NEGR1: variants seen among roughly 807,000 people sequenced by gnomAD.
NEGR1 encodes the protein IgLON family member 4.
A neutral mutation model predicts 40.9 loss-of-function variants in NEGR1; 10 were observed. The observed-to-expected ratio is 0.24, with a 90% confidence interval of 0.15 to 0.42. The LOEUF is 0.42. NEGR1 is among the 10% of genes least tolerant of loss of function. NEGR1 has a pLI of 1.00. For synonymous variants in NEGR1, 185 were observed against 166.8 expected, an observed-to-expected ratio of 1.11 and a Z score of -0.84; for missense variants, 352 against 438.9, an observed-to-expected ratio of 0.80 and a Z score of 1.77.
intron 1 of NEGR1, among the ~76,000 whole-genome samples, chr1:72,225,460 ATTAT>A (rs1654162030): frequency 6.6e-6 from 1 of 151,726 alleles, no homozygotes; most frequent in Non-Finnish European, 1.5e-5. Flanking sequence ...TTACATAAAA[ATTAT>A]TTTTCAATGT....
chr1:71,717,824 T>TA lies in NEGR1; in HGVS notation c.536-19686dup, dbSNP rs575452611. 3.9e-5 allele frequency among the ~76,000 whole-genome samples: 6 copies of TA among 152,036 alleles called. No homozygotes were observed. The South Asian group carries it at 1.2e-3, about 32-fold the overall frequency. ...TAATCCAGTATCACTGGTATCCTTA[T>TA]AAAAAAAGGAAAACTGAACACAGGC... On this transcript the variant is annotated intron_variant, in intron 3 of 6. Coordinates refer to ENST00000357731, the MANE Select transcript of NEGR1 (RefSeq NM_173808.3).
intron 1 of NEGR1, among the ~76,000 whole-genome samples, chr1:72,231,983 C>T (rs1287008755): frequency 6.6e-6 from 1 of 152,064 alleles, no homozygotes; most frequent in Non-Finnish European, 1.5e-5. Context: ...GCATTTAGCT[C>T]ATATGGGGAC....
intron 1 of NEGR1, among the ~76,000 whole-genome samples, chr1:72,071,475 C>T (rs1480567922): frequency 1.3e-5 from 2 of 151,878 alleles, no homozygotes; most frequent in Non-Finnish European, 2.9e-5. Context: ...TTTTAGATGT[C>T]AATAATCTAG....
intron 1 of NEGR1, among the ~76,000 whole-genome samples, chr1:72,276,187 G>C (rs529343616): frequency 6.6e-6 from 1 of 152,184 alleles, no homozygotes; most frequent in African/African-American, 2.4e-5. Flanking sequence ...GTAGAAAAAT[G>C]ATCTGATTTT....
intron 6 of NEGR1, among the ~76,000 whole-genome samples, chr1:71,414,704 C>T (rs1470422820): frequency 2.0e-5 from 3 of 152,158 alleles, no homozygotes; most frequent in African/African-American, 7.2e-5. Flanking sequence ...TGCTCCTGTA[C>T]TGTAGACCCT....
chr1:72,080,736 C>T (rs1188460945), intron 1 of NEGR1, among the ~76,000 whole-genome samples: 2 of 152,016 alleles, frequency 1.3e-5, no homozygotes, highest in Admixed American at 6.6e-5. Context: ...GAGAAACCAC[C>T]TCATAGGGTT....
intron 3 of NEGR1, among the ~76,000 whole-genome samples, chr1:71,739,199 G>GAAAAAAAA (rs776411417): frequency 1.6e-5 from 1 of 63,650 alleles, no homozygotes; most frequent in African/African-American, 5.5e-5. Flanking sequence ...AAGGCAGGCA[G>GAAAAAAAA]AAAAAAAAAA....
chr1:72,144,155 A>C (rs1187367188), intron 1 of NEGR1, among the ~76,000 whole-genome samples: 1 of 151,208 alleles, frequency 6.6e-6, no homozygotes, highest in African/African-American at 2.4e-5. Context: ...TTTGAGTAGA[A>C]TGTTCCAGAA....
At position 71,399,293 on chromosome 1, in the gene NEGR1, T is replaced by C. The variant is rs1000379118; in HGVS notation, c.*8153A>G. On this transcript the variant is annotated 3_prime_UTR_variant, in exon 7 of 7. Transcript: ENST00000357731. Reference sequence around the variant, plus strand: ...TTCAAATGTAAAAAAAAAAACCCAGTCTTTCTCCTTGTCAACATTTAAAGT... The same window carrying C: ...TTCAAATGTAAAAAAAAAAACCCAGCCTTTCTCCTTGTCAACATTTAAAGT... 6.6e-6 allele frequency: 1 copy of C among 151,944 alleles called. No individual in the cohort carries two copies. The highest frequency in any genetic ancestry group is 1.5e-5 in the Non-Finnish European group (1 of 67,992). The allele number at this position is 151,944 out of a possible 1,614,324, so 9.4% of individuals were successfully genotyped here. A position where few individuals can be genotyped will look rare whatever the true frequency, so the allele number is the denominator to read the frequency against.
chr1:71,670,562 A>G (rs771858297), intron 4 of NEGR1, among the ~76,000 whole-genome samples: 11 of 149,694 alleles, frequency 7.3e-5, no homozygotes, highest in Non-Finnish European at 1.6e-4. Flanking sequence ...ACAGTTTTTT[A>G]CTTTTTTTTT....
At chr1:72,027,504 T>C (rs1646822134) in intron 1 of NEGR1, among the ~76,000 whole-genome samples, 1 of 150,520 alleles carries the variant, frequency 6.6e-6, no homozygotes, top group Non-Finnish European at 1.5e-5. Context: ...CAAATAAGAG[T>C]GTTTCTGGTT....
chr1:71,684,402 T>A (rs957227517), intron 4 of NEGR1, among the ~76,000 whole-genome samples: 11 of 152,208 alleles, frequency 7.2e-5, no homozygotes, highest in Non-Finnish European at 1.3e-4. Context: ...TTTGTACATT[T>A]GTATATATTT....
chr1:71,811,928 G>A (rs1470074833), intron 2 of NEGR1, among the ~76,000 whole-genome samples: 1 of 143,730 alleles, frequency 7.0e-6, no homozygotes, highest in African/African-American at 2.9e-5. Context: ...GGATACAGGT[G>A]CATGGCATGC....
intron 2 of NEGR1, among the ~76,000 whole-genome samples, chr1:71,884,449 A>G (rs1660669284): frequency 6.6e-6 from 1 of 152,192 alleles, no homozygotes; most frequent in Non-Finnish European, 1.5e-5. Context: ...TTGGTTTACA[A>G]AGCTTCTCAA....
At chr1:72,083,771 G>A (rs1460675791) in intron 1 of NEGR1, among the ~76,000 whole-genome samples, 2 of 151,860 alleles carry the variant, frequency 1.3e-5, no homozygotes, top group Admixed American at 1.3e-4. Flanking sequence ...ACAGCAAAAT[G>A]GAGTGGAAAG....
intron 2 of NEGR1, among the ~76,000 whole-genome samples, chr1:71,788,416 C>T (rs189526345): frequency 6.6e-6 from 1 of 151,402 alleles, no homozygotes; most frequent in Non-Finnish European, 1.5e-5. Context: ...AATGCTATGC[C>T]TACTGCCAAG....
chr1:71,612,491 T>C (rs1203283720), intron 4 of NEGR1, among the ~76,000 whole-genome samples: 1 of 152,282 alleles, frequency 6.6e-6, no homozygotes, highest in Admixed American at 6.5e-5. Context: ...TAAATTGCCC[T>C]GACGTGATGA....
chr1:71,833,361 C>A (rs972176108), intron 2 of NEGR1, among the ~76,000 whole-genome samples: 1 of 152,038 alleles, frequency 6.6e-6, no homozygotes, highest in East Asian at 1.9e-4. Context: ...AAGGGAAATA[C>A]CACTAACTAC....
intron 4 of NEGR1, among the ~76,000 whole-genome samples, chr1:71,655,343 G>T (rs1372135861): frequency 1.3e-5 from 2 of 152,118 alleles, no homozygotes; most frequent in African/African-American, 4.8e-5. Flanking sequence ...GAAATAGTCA[G>T]GGATACCTAT....
Sources: allele counts gnomAD v4.1 joint callset (sites outside exome capture counted in the v4.1 genomes callset), GRCh38; gene constraint gnomAD v4.1.1; transcripts MANE v1.5; gene names NCBI Gene and HGNC (gene_info 2026-07-23, HGNC 2026-07-21).